TENM3: variants seen among roughly 807,000 people sequenced by gnomAD.
TENM3 encodes teneurin transmembrane protein 3.
In TENM3, 63 loss-of-function variants were observed where a neutral mutation model predicts 255.1. That is an observed-to-expected ratio of 0.25 (90% CI 0.20 to 0.30). TENM3 has a LOEUF of 0.30. TENM3 is among the 10% of genes least tolerant of loss of function. TENM3 has a pLI of 1.00. For synonymous variants in TENM3, 1,306 were observed against 1,322.3 expected (o/e 0.99, Z 0.27); for missense variants, 2,929 against 3,461.1 (o/e 0.85, Z 3.86).
intron 1 of TENM3, among the ~76,000 whole-genome samples, chr4:182,236,569 A>G (rs1160737149): frequency 6.6e-6 from 1 of 152,216 alleles, no homozygotes; most frequent in African/African-American, 2.4e-5. Context: ...TTCCCAGTGT[A>G]GACGTTAAAT....
intron 3 of TENM3, among the ~76,000 whole-genome samples, chr4:182,394,962 G>A (rs370070239): frequency 1.7e-4 from 26 of 152,240 alleles, no homozygotes; most frequent in African/African-American, 6.0e-4. Context: ...TTGTTACTTT[G>A]CTATATCCCT....
chr4:182,490,296 G>T (rs1234086072), intron 3 of TENM3, among the ~76,000 whole-genome samples: 19 of 152,150 alleles, frequency 1.2e-4, no homozygotes, highest in Admixed American at 1.2e-3. Flanking sequence ...CTATAGCTTT[G>T]TTTTTGTCAT....
the TENM3 span, among the ~76,000 whole-genome samples, chr4:181,687,627 A>G: frequency 6.6e-6 from 1 of 152,122 alleles, no homozygotes; most frequent in Non-Finnish European, 1.5e-5. Context: ...GTCTAGGTGA[A>G]GTCTGGGATG....
intron 3 of TENM3, among the ~76,000 whole-genome samples, chr4:182,440,236 C>G (rs1772365231): frequency 6.6e-6 from 1 of 151,844 alleles, no homozygotes; most frequent in African/African-American, 2.4e-5. Flanking sequence ...CTCAGCCTCC[C>G]AAGTAACTGG....
At position 182,681,870 on chromosome 4, in the gene TENM3, C is replaced by T; in HGVS notation, c.1891C>T (p.His631Tyr). The change falls in exon 11 of 28, where the codon CAC becomes TAC. Residue 631 changes from histidine (H) to tyrosine (Y), a missense_variant. Physicochemically the swap from His to Tyr is moderately conservative, Grantham distance 83 (BLOSUM62 2). Transcript: ENST00000511685. ...TGGTGTGTGTATCCACGGGGAATGT[C>T]ACTGCAGTCCAGGATGGGGAGGTAG... ...NHGVCIHGEC[H>Y]CSPGWGGSNC... is the part of the protein sequence containing the mutation. 1 of 1,613,906 alleles carries T rather than the reference C, an allele frequency of 6.2e-7. No homozygotes were observed. Among genetic ancestry groups the T allele is most frequent in the Admixed American group, 1.7e-5 (1 of 60,010 alleles).
At chr4:182,068,101 G>A in the TENM3 span, among the ~76,000 whole-genome samples, 10 of 152,242 alleles carry the variant, frequency 6.6e-5, no homozygotes, top group African/African-American at 2.4e-4. Context: ...AGAGAGTTCC[G>A]ATAGTTCTGT....
intron 3 of TENM3, among the ~76,000 whole-genome samples, chr4:182,504,988 A>C (rs1353655971): frequency 3.3e-5 from 5 of 152,258 alleles, no homozygotes; most frequent in Middle Eastern, 3.4e-3. Context: ...CCTGTTTTTC[A>C]TATGGGAGAT....
intron 3 of TENM3, among the ~76,000 whole-genome samples, chr4:182,365,990 T>C (rs1766407100): frequency 6.6e-6 from 1 of 152,164 alleles, no homozygotes; most frequent in African/African-American, 2.4e-5. Context: ...AGTATAATCT[T>C]ATGGGGCTAC....
At chr4:182,714,878 G>A (rs561481294) in intron 13 of TENM3, among the ~76,000 whole-genome samples, 32 of 152,204 alleles carry the variant, frequency 2.1e-4, no homozygotes, top group African/African-American at 7.2e-4. Flanking sequence ...CCTGATAGCT[G>A]TTTTGTTTTG....
At chr4:182,198,891 TG>T (rs1753996658) in intron 1 of TENM3, among the ~76,000 whole-genome samples, 1 of 152,136 alleles carries the variant, frequency 6.6e-6, no homozygotes, top group Non-Finnish European at 1.5e-5. Context: ...AAAAGAGGAT[TG>T]GGAGGCCTTC....
chr4:181,467,125 ATTTTTTT>A, the TENM3 span, among the ~76,000 whole-genome samples: 9 of 17,622 alleles, frequency 5.1e-4, no homozygotes, highest in African/African-American at 2.2e-3. Context: ...ATATATATAT[ATTTTTTT>A]TTTTTTTTTT....
At chr4:182,488,699 C>A (rs1029404529) in intron 3 of TENM3, among the ~76,000 whole-genome samples, 1 of 151,408 alleles carries the variant, frequency 6.6e-6, no homozygotes, top group African/African-American at 2.4e-5. Flanking sequence ...CTAATGTCAT[C>A]GAATACTAAG....
chr4:182,259,577 T>C (rs1370453775), intron 1 of TENM3, among the ~76,000 whole-genome samples: 2 of 152,172 alleles, frequency 1.3e-5, no homozygotes, highest in African/African-American at 4.8e-5. Flanking sequence ...CCTCCCAAAG[T>C]GCTGGGAACA....
the TENM3 span, among the ~76,000 whole-genome samples, chr4:181,525,273 T>C: frequency 6.6e-6 from 1 of 151,338 alleles, no homozygotes; most frequent in Non-Finnish European, 1.5e-5. Flanking sequence ...TAGCCAGGTG[T>C]GGTAGCAGAC....
chr4:182,777,513 G>A (rs571198271), intron 24 of TENM3, among the ~76,000 whole-genome samples: 3 of 109,632 alleles, frequency 2.7e-5, no homozygotes, highest in Middle Eastern at 4.1e-3. Context: ...ATGTGTTTAT[G>A]TGTGTGTGTG....
At chr4:182,040,835 T>A in the TENM3 span, among the ~76,000 whole-genome samples, 47 of 152,298 alleles carry the variant, frequency 3.1e-4, no homozygotes, top group East Asian at 4.2e-3. Context: ...TGTGTGTTCT[T>A]GTGTTCGTTT....
chr4:182,242,301 A>G (rs1000392607), upstream of TENM3, among the ~76,000 whole-genome samples: 7 of 151,874 alleles, frequency 4.6e-5, no homozygotes, highest in Non-Finnish European at 8.8e-5. Context: ...GAGTGAGAAC[A>G]TGCGGTGTTT....
At chr4:181,839,203 T>G in the TENM3 span, among the ~76,000 whole-genome samples, 1 of 149,836 alleles carries the variant, frequency 6.7e-6, no homozygotes. Context: ...ATTTTGTTTT[T>G]AATATTTTAA....
upstream of TENM3, among the ~76,000 whole-genome samples, chr4:182,139,064 G>A (rs996398542): frequency 1.3e-5 from 2 of 152,140 alleles, no homozygotes; most frequent in African/African-American, 4.8e-5. Context: ...AACATTTATT[G>A]AGCAGCTCCT....
Sources: allele counts gnomAD v4.1 joint callset (sites outside exome capture counted in the v4.1 genomes callset), GRCh38; gene constraint gnomAD v4.1.1; transcripts MANE v1.5; gene names NCBI Gene and HGNC (gene_info 2026-07-23, HGNC 2026-07-21).